ERC1: variants seen among roughly 807,000 people sequenced by gnomAD.
The protein encoded by ERC1 is ELKS/RAB6-interacting/CAST family member 1.
In ERC1, 56 loss-of-function variants were observed where a neutral mutation model predicts 132.0. That is an observed-to-expected ratio of 0.42 (90% CI 0.34 to 0.53). The LOEUF is 0.53. Among genes scored for constraint, ERC1 ranks in the 20% least tolerant of loss-of-function variants. The probability of loss-of-function intolerance (pLI) is 0.03; values close to 1 mark genes in which losing one functional copy is unlikely to be tolerated. For missense variants in ERC1, 1,202 were observed against 1,349.9 expected, an observed-to-expected ratio of 0.89 and a Z score of 1.72; for synonymous variants, 478 against 476.1, an observed-to-expected ratio of 1.00 and a Z score of -0.05.
intron 17 of ERC1, among the ~76,000 whole-genome samples, chr12:1,434,293 T>C (rs538632369): frequency 6.6e-6 from 1 of 152,214 alleles, no homozygotes; most frequent in Non-Finnish European, 1.5e-5. Flanking sequence ...AAGGTGGCAC[T>C]GGTATGAGAG....
chr12:1,420,250 AAACTT>A (rs2092368016), intron 17 of ERC1, among the ~76,000 whole-genome samples: 2 of 152,188 alleles, frequency 1.3e-5, no homozygotes, highest in African/African-American at 4.8e-5. Context: ...TAACAGCTAC[AAACTT>A]AACTTTTTAA....
intron 7 of ERC1, among the ~76,000 whole-genome samples, chr12:1,129,084 A>G (rs1333592003): frequency 6.6e-6 from 1 of 152,220 alleles, no homozygotes. Context: ...GATTTTGATG[A>G]TAGGAATGGA....
intron 14 of ERC1, among the ~76,000 whole-genome samples, chr12:1,276,608 C>T (rs932001144): frequency 4.0e-5 from 6 of 151,652 alleles, no homozygotes; most frequent in Non-Finnish European, 5.9e-5. Context: ...ATTATTATTA[C>T]GTATTTACTA....
intron 18 of ERC1, among the ~76,000 whole-genome samples, chr12:1,453,020 C>G (rs1029780015): frequency 6.6e-6 from 1 of 152,166 alleles, no homozygotes; most frequent in Non-Finnish European, 1.5e-5. Context: ...TTCAGCATGT[C>G]CTTCATGCCT....
At chr12:1,016,019 A>T (rs1965447750) in intron 1 of ERC1, among the ~76,000 whole-genome samples, 1 of 151,486 alleles carries the variant, frequency 6.6e-6, no homozygotes, top group African/African-American at 2.4e-5. Context: ...AGTAATTTTG[A>T]GATTTATGTC....
At chr12:1,216,406 T>C (rs1231168536) in intron 12 of ERC1, among the ~76,000 whole-genome samples, 3 of 152,152 alleles carry the variant, frequency 2.0e-5, no homozygotes, top group Non-Finnish European at 4.4e-5. Flanking sequence ...AGCCTCCAGC[T>C]GTTACTTCTG....
At chr12:1,368,892 C>T (rs2086908734) in intron 15 of ERC1, among the ~76,000 whole-genome samples, 1 of 152,054 alleles carries the variant, frequency 6.6e-6, no homozygotes, top group South Asian at 2.1e-4. Flanking sequence ...ATGAATTGCC[C>T]TTCTTAGGCA....
At chr12:1,242,130 A>T (rs1403858013) in intron 13 of ERC1, among the ~76,000 whole-genome samples, 2 of 152,074 alleles carry the variant, frequency 1.3e-5, no homozygotes, top group Non-Finnish European at 2.9e-5. Flanking sequence ...TATAGGCGTA[A>T]GCCCAGCCTT....
At position 1,382,679 on chromosome 12, in the gene ERC1, A is replaced by G. The variant is rs531385487; in HGVS notation, c.2925+10702A>G. On this transcript the variant is annotated intron_variant, in intron 16 of 18. Transcript: ENST00000360905. ...ATTATTTTCTGTATTTTGATAAATC[A>G]ACATATTTACCTGTAGCTGTATCGT... Among the ~76,000 whole-genome samples the G allele has an allele frequency of 4.6e-5, 7 of 152,362 alleles. No individual in the cohort carries two copies. The South Asian group carries it at 1.4e-3, about 32-fold the overall frequency.
intron 18 of ERC1, 178 bp downstream of exon 18, chr12:1,444,928 C>A: frequency 7.3e-6 from 3 of 410,066 alleles, no homozygotes; most frequent in East Asian, 3.5e-5. Flanking sequence ...TGGGGAATTC[C>A]ATGTTTAGAT....
At chr12:1,369,443 A>G (rs1353707313) in intron 15 of ERC1, among the ~76,000 whole-genome samples, 6 of 152,196 alleles carry the variant, frequency 3.9e-5, no homozygotes, top group Admixed American at 6.5e-5. Context: ...CTGGTATTTC[A>G]ATCTAATTAG....
At chr12:1,039,351 AAT>A (rs1488895426) in intron 2 of ERC1, among the ~76,000 whole-genome samples, 10 of 146,446 alleles carry the variant, frequency 6.8e-5, no homozygotes, top group Admixed American at 4.7e-4. Context: ...AAAAAAAAAA[AAT>A]AAAAATAAAT....
chr12:1,199,502 G>T (rs1956696973), intron 12 of ERC1, among the ~76,000 whole-genome samples: 1 of 152,184 alleles, frequency 6.6e-6, no homozygotes, highest in Admixed American at 6.5e-5. Context: ...CAGGCACGGT[G>T]GTTCACGCCT....
chr12:1,139,785 G>A (rs1949699653), intron 7 of ERC1, among the ~76,000 whole-genome samples: 1 of 151,322 alleles, frequency 6.6e-6, no homozygotes, highest in Non-Finnish European at 1.5e-5. Flanking sequence ...ACAAAAACCA[G>A]AATAGAGACG....
At chr12:1,463,697 CTGTGTGTG>C (rs57210462) in intron 18 of ERC1, among the ~76,000 whole-genome samples, 2 of 136,028 alleles carry the variant, frequency 1.5e-5, no homozygotes, top group Admixed American at 7.2e-5. Context: ...GGTGCTAAGA[CTGTGTGTG>C]TGTGTGTGTG....
At chr12:1,268,220 C>A (rs998405917) in intron 14 of ERC1, among the ~76,000 whole-genome samples, 1 of 152,056 alleles carries the variant, frequency 6.6e-6, no homozygotes. Context: ...GCAATTTATT[C>A]TTTACTTTTA....
At chr12:1,110,477 C>A in intron 5 of ERC1, 130 bp downstream of exon 5, 1 of 699,584 alleles carries the variant, frequency 1.4e-6, no homozygotes, top group Non-Finnish European at 2.2e-6. Flanking sequence ...ATACTTTTAG[C>A]ATAGTTCTTT....
chr12:1,080,655 G>C (rs911416725), intron 2 of ERC1, among the ~76,000 whole-genome samples: 5 of 152,120 alleles, frequency 3.3e-5, no homozygotes, highest in Admixed American at 3.3e-4. Context: ...GATCTGATGG[G>C]TTTATCAGGG....
intron 18 of ERC1, among the ~76,000 whole-genome samples, chr12:1,446,001 T>C (rs2093294248): frequency 6.6e-6 from 1 of 152,206 alleles, no homozygotes; most frequent in South Asian, 2.1e-4. Flanking sequence ...TGTCGCATGC[T>C]GCTGACCTCA....
Sources: allele counts gnomAD v4.1 joint callset (sites outside exome capture counted in the v4.1 genomes callset), GRCh38; gene constraint gnomAD v4.1.1; transcripts MANE v1.5; gene names NCBI Gene and HGNC (gene_info 2026-07-23, HGNC 2026-07-21).